GGN: variants seen among roughly 807,000 people sequenced by gnomAD.
GGN encodes gametogenetin.
In GGN, 27 loss-of-function variants were observed where a neutral mutation model predicts 35.5. The ratio of observed to expected loss-of-function variants is 0.76; its 90% CI spans 0.56 to 1.05. GGN has a LOEUF of 1.05. Ranked by LOEUF, GGN falls within the 50% of genes least tolerant of loss-of-function variation. The probability of loss-of-function intolerance (pLI) is 0.00; values close to 1 mark genes in which losing one functional copy is unlikely to be tolerated. For missense variants in GGN, 1,006 were observed against 940.7 expected (o/e 1.07, Z -0.91); for synonymous variants, 425 against 444.1 (o/e 0.96, Z 0.54).
rs757656552 is a variant in GGN, at chr19:38,385,772, G to C, written c.1490C>G (p.Ser497Cys). The C allele has an allele frequency of 3.2e-6, 5 of 1,575,172 alleles. No individual in the cohort carries two copies. In the South Asian group the frequency reaches 5.7e-5, roughly 18 times the overall value. Reference sequence around the variant, plus strand: ...AGCCACGGTGGGAGCTGGAGCCGGGGATGGGGCCGGGGCCTGGTCGGCGGC... The same window carrying C: ...AGCCACGGTGGGAGCTGGAGCCGGGCATGGGGCCGGGGCCTGGTCGGCGGC... ...ALAADQAPAP[S>C]PAPAPTVAEP... The change falls in exon 3 of 4, where the codon TCC becomes TGC. Residue 497 changes from serine to cysteine, a missense_variant. Transcript: ENST00000334928.
rs1381165282 is a variant in GGN, at chr19:38,387,291, A to G, written c.-19-11T>C. On this transcript the variant is annotated splice_polypyrimidine_tract_variant and intron_variant, in intron 2 of 3. Coordinates refer to ENST00000334928, the MANE Select transcript of GGN (RefSeq NM_152657.4). This position sits in a 1 kb window ranked among gnomAD's most constrained non-coding sequence, Gnocchi z 5.3. ...GACGGAGCTCGGAGACTAGTCAGAA[A>G]AATTTACTCCAGTCAGCCTGCCAGG... 1.3e-6 allele frequency: 2 copies of G among 1,549,856 alleles called. No individual in the cohort carries two copies. Among genetic ancestry groups the G allele is most frequent in the Non-Finnish European group, 1.7e-6 (2 of 1,152,058 alleles).
In GGN at chr19:38,385,591, A is replaced by G; in HGVS notation, c.1671T>C (p.Pro557=). 1 of 1,614,160 alleles carries G rather than the reference A, an allele frequency of 6.2e-7. No individual in the cohort carries two copies. The highest frequency in any genetic ancestry group is 8.5e-7 in the Non-Finnish European group (1 of 1,180,022). ...GPRERATATV[P]DSSGGGGGGS... ...CACCACCCCCTCCACCACTGCTGTC[A>G]GGCACGGTAGCTGTAGCTCGTTCGC... Residue 557 remains proline (P), a synonymous_variant, in exon 3 of 4, where the codon CCT becomes CCC. Transcript: ENST00000334928.
rs1409586742 is a variant in GGN, at chr19:38,386,046, G to A, written c.1216C>T (p.Pro406Ser). 6.3e-7 allele frequency: 1 copy of A among 1,597,626 alleles called. No homozygotes were observed. Among genetic ancestry groups the A allele is most frequent in the South Asian group, 1.1e-5 (1 of 88,822 alleles). ...GGCGGCGCCAGCAGGGCAGGTGCGG[G>A]CCTCCGGGGCCCGGGAGCTGAGTGT... ...QIHSAPGPRR[P>S]APALLAPPTF... The change falls in exon 3 of 4, where the codon CCC becomes TCC. Residue 406 changes from proline (P) to serine (S), a missense_variant. Transcript: ENST00000334928.
chr19:38,386,362 G>T lies in GGN; in HGVS notation c.900C>A (p.Arg300=). 6.2e-7 allele frequency: 1 copy of T among 1,612,972 alleles called. No homozygotes were observed. The highest frequency in any genetic ancestry group is 8.5e-7 in the Non-Finnish European group (1 of 1,179,838). The change falls in exon 3 of 4, where the codon CGC becomes CGA. Residue 300 remains arginine, a synonymous_variant. Transcript: ENST00000334928. ...CCCCTCGAGAAACCTCTCCCAAGGG[G>T]CGAGCGGCTCCAGGAGGCAGGGGCC... is the stretch of plus-strand genomic sequence containing the variant. ...KQGPLPPGAA[R]PLGEVSRGAQ...
At chr19:38,384,901 C>G (rs565356246) in intron 3 of GGN, among the ~76,000 whole-genome samples, 1 of 152,208 alleles carries the variant, frequency 6.6e-6, no homozygotes, top group Non-Finnish European at 1.5e-5. Flanking sequence ...CATCAGTGCC[C>G]TCTGGCGGCT....
At position 38,386,818 on chromosome 19, in the gene GGN, GGGCGGC is replaced by G. The variant is rs548116774; in HGVS notation, c.438_443del (p.Pro147_Pro148del). 4 of 1,608,584 alleles carry G rather than the reference GGGCGGC, an allele frequency of 2.5e-6. No individual in the cohort carries two copies. The highest frequency in any genetic ancestry group is 3.4e-6 in the Non-Finnish European group (4 of 1,176,984). ...CAGTGTCCTTCACGGATAGTTGCCG[GGGCGGC>G]GGCGGCGGCTTCAGCGGGCGGAGGC... is the stretch of plus-strand genomic sequence containing the variant. On this transcript the variant is annotated inframe_deletion, in exon 3 of 4. Transcript: ENST00000334928.
In GGN at chr19:38,386,323, C is replaced by T; in HGVS notation, c.939G>A (p.Glu313=). 1 of 1,611,882 alleles carries T rather than the reference C, an allele frequency of 6.2e-7. No homozygotes were observed. The highest frequency in any genetic ancestry group is 2.2e-5 in the East Asian group (1 of 44,830). Residue 313 remains glutamate (E), a synonymous_variant, in exon 3 of 4, where the codon GAG becomes GAA. Transcript: ENST00000334928. ...GEVSRGAQEA[E]GGDGDGEGCS... is the part of the protein sequence containing the mutation. ...ACCCTTCGCCGTCTCCATCACCTCC[C>T]TCGGCTTCCTGTGCCCCTCGAGAAA...
rs1346774548 is a variant in GGN, at chr19:38,386,293, A to G, written c.969T>C (p.Ser323=). 1 of 1,610,618 alleles carries G rather than the reference A, an allele frequency of 6.2e-7. No homozygotes were observed. The highest frequency in any genetic ancestry group is 1.3e-5 in the African/African-American group (1 of 74,994). Residue 323 remains serine (S), a synonymous_variant, in exon 3 of 4, where the codon TCT becomes TCC. Transcript: ENST00000334928. ...GGGACGCAGGCGCCGAGGGAGGACCAGAGCACCCTTCGCCGTCTCCATCAC... is the reference window on the plus strand; with the variant it reads ...GGGACGCAGGCGCCGAGGGAGGACCGGAGCACCCTTCGCCGTCTCCATCAC... The part of the protein sequence containing the change: ...EGGDGDGEGC[S]GPPSAPASQA...
chr19:38,385,957 C>T lies in GGN; in HGVS notation c.1305G>A (p.Gln435=), dbSNP rs1326308753. The part of the protein sequence containing the change: ...EPMRPGPPGL[Q]ELPPLPPPTP... ...TGGGCGGTGGCAGCGGTGGTAACTC[C>T]TGCAGGCCTGGAGGCCCCGGGCGCA... Residue 435 remains glutamine (Q), a synonymous_variant, in exon 3 of 4, where the codon CAG becomes CAA. Coordinates refer to ENST00000334928, the MANE Select transcript of GGN (RefSeq NM_152657.4). The T allele has an allele frequency of 6.2e-7, 1 of 1,600,668 alleles. No individual in the cohort carries two copies. The highest frequency in any genetic ancestry group is 1.7e-5 in the Admixed American group (1 of 58,590).
rs1171850157 is a variant in GGN, at chr19:38,387,041, G to A, written c.221C>T (p.Pro74Leu). The A allele has an allele frequency of 6.4e-7, 1 of 1,555,414 alleles. No individual in the cohort carries two copies. The highest frequency in any genetic ancestry group is 8.7e-7 in the Non-Finnish European group (1 of 1,149,398). ...TGGAGAGGGCCGTTCTAAGGTGAGG[G>A]GCAGGGTCGAGGGTGAGGCCTGGGG... is the stretch of plus-strand genomic sequence containing the variant. ...REPQASPSTL[P>L]LTLERPSPVM... The change falls in exon 3 of 4, where the codon CCC becomes CTC. Residue 74 changes from proline (P) to leucine (L), a missense_variant. Coordinates refer to ENST00000334928, the MANE Select transcript of GGN (RefSeq NM_152657.4). The surrounding 1 kb of genome is among the most constrained non-coding windows in gnomAD (Gnocchi z 5.3).
At chr19:38,385,072 C>T (rs537289942) in intron 3 of GGN, among the ~76,000 whole-genome samples, 2 of 152,190 alleles carry the variant, frequency 1.3e-5, no homozygotes, top group African/African-American at 2.4e-5. Flanking sequence ...TGGCCTCGGA[C>T]GTGGTCCTCC....
At position 38,385,849 on chromosome 19, in the gene GGN, G is replaced by C. The variant is rs1394594764; in HGVS notation, c.1413C>G (p.His471Gln). 6.5e-7 allele frequency: 1 copy of C among 1,542,786 alleles called. No individual in the cohort carries two copies. Among genetic ancestry groups the C allele is most frequent in the East Asian group, 2.4e-5 (1 of 40,930 alleles). ...VAPPLTPGLG[H>Q]KESALAPTAA... The stretch of plus-strand genomic sequence containing the variant: ...CGGTGGGAGCCAGGGCTGACTCCTT[G>C]TGGCCCAGACCCGGGGTGAGCGGGG... Residue 471 changes from histidine to glutamine, a missense_variant, in exon 3 of 4, where the codon CAC (histidine) becomes CAG (glutamine). His to Gln is a conservative substitution (Grantham distance 24, BLOSUM62 0). Transcript: ENST00000334928.
At position 38,386,437 on chromosome 19, in the gene GGN, GCCGCCGCCT is replaced by G. The variant is rs910877533; in HGVS notation, c.816_824del (p.Gly273_Gly275del). On this transcript the variant is annotated inframe_deletion, in exon 3 of 4. Transcript: ENST00000334928. ...AGATGGCACCTGAGGCAGCAAAGAG[GCCGCCGCCT>G]CCGCCGCCCCCCAGCGAAGCTTTGG... is the stretch of plus-strand genomic sequence containing the variant. 1.2e-6 allele frequency: 2 copies of G among 1,612,514 alleles called. No homozygotes were observed. The highest frequency in any genetic ancestry group is 2.7e-5 in the African/African-American group (2 of 74,872).
Position 38,387,117 on chromosome 19 carries a change from C to A in GGN, c.145G>T (p.Val49Phe). ...QAMRLTRGLG[V>F]WFPGSATPPG... is the part of the protein sequence containing the mutation. ...GGTGTGGCGCTGCCAGGGAACCAGA[C>A]ACCCAGCCCACGAGTCAGGCGCATG... Residue 49 changes from valine (V) to phenylalanine (F), a missense_variant, in exon 3 of 4, where the codon GTC becomes TTC. By Grantham distance (50) the Val-to-Phe change is conservative (BLOSUM62 -1). Coordinates refer to ENST00000334928, the MANE Select transcript of GGN (RefSeq NM_152657.4). This position sits in a 1 kb window ranked among gnomAD's most constrained non-coding sequence, Gnocchi z 5.3. 2.6e-6 allele frequency: 4 copies of A among 1,562,146 alleles called. No individual in the cohort carries two copies. Among genetic ancestry groups the A allele is most frequent in the Non-Finnish European group, 3.5e-6 (4 of 1,153,030 alleles).
chr19:38,386,432 A>G lies in GGN; in HGVS notation c.830T>C (p.Phe277Ser), dbSNP rs769922028. The change falls in exon 3 of 4, where the codon TTT becomes TCT. Residue 277 changes from phenylalanine (F) to serine (S), a missense_variant. Physicochemically the swap from Phe to Ser is radical, Grantham distance 155 (BLOSUM62 -2). Transcript: ENST00000334928. ...SLGGGGGGGL[F>S]AASGAISYAE... ...GTAAGAGATGGCACCTGAGGCAGCA[A>G]AGAGGCCGCCGCCTCCGCCGCCCCC... The G allele has an allele frequency of 8.1e-6, 13 of 1,612,470 alleles. No individual in the cohort carries two copies. Among genetic ancestry groups the G allele is most frequent in the Middle Eastern group, 3.3e-4 (2 of 6,082 alleles).
In GGN at chr19:38,386,818, G is replaced by C; in HGVS notation, c.444C>G (p.Pro148=). 6.2e-7 allele frequency: 1 copy of C among 1,608,584 alleles called. No homozygotes were observed. Among genetic ancestry groups the C allele is most frequent in the East Asian group, 2.2e-5 (1 of 44,696 alleles). ...CAGTGTCCTTCACGGATAGTTGCCG[G>C]GGCGGCGGCGGCGGCTTCAGCGGGC... The part of the protein sequence containing the change: ...SLRPLKPPPP[P]RQLSVKDTVP... The change falls in exon 3 of 4, where the codon CCC becomes CCG. Residue 148 remains proline, a synonymous_variant. Coordinates refer to ENST00000334928, the MANE Select transcript of GGN (RefSeq NM_152657.4).
rs1241622027 is a variant in GGN, at chr19:38,386,815, C to A, written c.447G>T (p.Arg149=). The change falls in exon 3 of 4, where the codon CGG becomes CGT. Residue 149 remains arginine (R), a synonymous_variant. Transcript: ENST00000334928. The part of the protein sequence containing the change: ...LRPLKPPPPP[R]QLSVKDTVPR... ...GGACAGTGTCCTTCACGGATAGTTG[C>A]CGGGGCGGCGGCGGCGGCTTCAGCG... is the stretch of plus-strand genomic sequence containing the variant. 6.2e-7 allele frequency: 1 copy of A among 1,608,906 alleles called. No homozygotes were observed. The highest frequency in any genetic ancestry group is 1.7e-5 in the Admixed American group (1 of 59,586).
In GGN at chr19:38,387,395, A is replaced by G; in HGVS notation, c.-19-115T>C. 7.0e-7 allele frequency: 1 copy of G among 1,430,346 alleles called. No homozygotes were observed. The highest frequency in any genetic ancestry group is 9.1e-7 in the Non-Finnish European group (1 of 1,094,016). The allele number at this position is 1,430,346 out of a possible 1,614,324, so 88.6% of individuals were successfully genotyped here. On this transcript the variant is annotated intron_variant, in intron 2 of 3. Transcript: ENST00000334928. The surrounding 1 kb of genome is among the most constrained non-coding windows in gnomAD (Gnocchi z 5.3). ...CCCCGCCCCTGTTCTCCAAGATCCG[A>G]TCAGGCCCAAGTCCTTAGGTCGCAC...
Position 38,384,354 on chromosome 19 carries a change from T to G in GGN, c.*58A>C, listed in dbSNP as rs112267921. 6.7e-3 allele frequency: 8,574 copies of G among 1,276,242 alleles called. 64 individuals are homozygous for G. The highest frequency in any genetic ancestry group is 0.021 in the South Asian group (1,739 of 82,200). 79.1% of individuals were successfully genotyped at this position (1,276,242 alleles called of 1,614,324 possible). A position where few individuals can be genotyped will look rare whatever the true frequency, so the allele number is the denominator to read the frequency against. ...GAGTGATTGACAGGCTGCTGGCATC[T>G]GGATTGGTTATTTTATTGGCATGGA... On this transcript the variant is annotated 3_prime_UTR_variant, in exon 4 of 4. Transcript: ENST00000334928.
Sources: gnomAD v4.1 joint callset for allele counts (sites outside exome capture counted in the v4.1 genomes callset) on GRCh38, gnomAD v4.1.1 for gene constraint, Gnocchi (gnomAD v3.1) non-coding constraint, MANE v1.5 for transcripts, NCBI Gene and HGNC (gene_info 2026-07-23, HGNC 2026-07-21) for gene names.